The following ELP4 variants were observed in gnomAD, a reference collection of about 807,000 sequenced individuals.
The protein encoded by ELP4 is elongator complex protein 4.
A neutral mutation model predicts 48.9 loss-of-function variants in ELP4; 51 were observed. The ratio of observed to expected loss-of-function variants is 1.04; its 90% CI spans 0.83 to 1.32. The LOEUF (loss-of-function observed/expected upper bound fraction) is 1.32. Among genes scored for constraint, ELP4 ranks in the 40% most tolerant of loss-of-function variants. The probability of loss-of-function intolerance (pLI) is 0.00; values close to 1 mark genes in which losing one functional copy is unlikely to be tolerated. For missense variants in ELP4, 519 were observed against 514.6 expected (o/e 1.01, Z -0.08); for synonymous variants, 210 against 189.2 (o/e 1.11, Z -0.90).
At chr11:31,588,718 C>G (rs1255604125) in intron 3 of ELP4, among the ~76,000 whole-genome samples, 1 of 152,148 alleles carries the variant, frequency 6.6e-6, no homozygotes, top group Non-Finnish European at 1.5e-5. Flanking sequence ...CACAGTGGCT[C>G]ACGCCTATAA....
At chr11:31,709,420 T>G (rs1946696250) in intron 9 of ELP4, among the ~76,000 whole-genome samples, 1 of 152,160 alleles carries the variant, frequency 6.6e-6, no homozygotes. Flanking sequence ...AAGTTTCACG[T>G]ATTCAGTTAC....
At chr11:31,528,994 T>G (rs936090094) in intron 2 of ELP4, among the ~76,000 whole-genome samples, 1 of 151,908 alleles carries the variant, frequency 6.6e-6, no homozygotes, top group Non-Finnish European at 1.5e-5. Context: ...CTTTGGGAGA[T>G]CTCTTAACTC....
chr11:31,737,828 G>A (rs1947352694), intron 9 of ELP4, among the ~76,000 whole-genome samples: 2 of 152,134 alleles, frequency 1.3e-5, no homozygotes, highest in African/African-American at 4.8e-5. Context: ...GGTAACTCTT[G>A]TGCATTATTG....
chr11:31,569,801 G>A (rs1957166397), intron 3 of ELP4, among the ~76,000 whole-genome samples: 1 of 152,102 alleles, frequency 6.6e-6, no homozygotes, highest in Non-Finnish European at 1.5e-5. Flanking sequence ...AGAAATACAA[G>A]TCAGTATCAC....
At chr11:31,699,964 G>A (rs945985502) in intron 9 of ELP4, among the ~76,000 whole-genome samples, 24 of 152,134 alleles carry the variant, frequency 1.6e-4, no homozygotes, top group Admixed American at 5.9e-4. Flanking sequence ...CTGAGAATAT[G>A]GGAGGAGAAT....
At chr11:31,746,496 C>T (rs1947594610) in intron 9 of ELP4, among the ~76,000 whole-genome samples, 1 of 152,154 alleles carries the variant, frequency 6.6e-6, no homozygotes, top group African/African-American at 2.4e-5. Flanking sequence ...CGTAAATGTC[C>T]AACAACAATA....
chr11:31,525,806 A>C (rs544597269), intron 2 of ELP4, among the ~76,000 whole-genome samples: 1 of 152,280 alleles, frequency 6.6e-6, no homozygotes, highest in African/African-American at 2.4e-5. Context: ...TGGCCAGCCA[A>C]ATCTATCATG....
chr11:31,709,494 T>C (rs963902011), intron 9 of ELP4, among the ~76,000 whole-genome samples: 2 of 152,056 alleles, frequency 1.3e-5, no homozygotes, highest in Non-Finnish European at 2.9e-5. Context: ...TGATACCAAG[T>C]CTCGTAAAAT....
intron 1 of ELP4, among the ~76,000 whole-genome samples, chr11:31,515,001 A>G (rs867748750): frequency 1.6e-4 from 21 of 131,980 alleles, no homozygotes; most frequent in East Asian, 4.4e-4. Context: ...TGCTGTATGC[A>G]TGTGTGTGTG....
intron 3 of ELP4, among the ~76,000 whole-genome samples, chr11:31,547,567 A>C (rs955480379): frequency 6.6e-6 from 1 of 152,130 alleles, no homozygotes; most frequent in African/African-American, 2.4e-5. Flanking sequence ...ACAAGGAGGA[A>C]CTGGTACCAT....
At chr11:31,640,474 G>A (rs937848319) in intron 7 of ELP4, among the ~76,000 whole-genome samples, 3 of 151,832 alleles carry the variant, frequency 2.0e-5, no homozygotes, top group African/African-American at 7.2e-5. Flanking sequence ...TAAGTACCAC[G>A]TCAGATATTA....
chr11:31,583,206 T>G (rs1198766635), intron 3 of ELP4, among the ~76,000 whole-genome samples: 4 of 152,220 alleles, frequency 2.6e-5, no homozygotes, highest in Non-Finnish European at 5.9e-5. Flanking sequence ...GTTGCTGGTT[T>G]GTTTTCTAAG....
At chr11:31,753,884 G>T (rs1004345012) in intron 9 of ELP4, among the ~76,000 whole-genome samples, 10 of 152,086 alleles carry the variant, frequency 6.6e-5, no homozygotes, top group Admixed American at 2.0e-4. Context: ...ATTTACTTCA[G>T]TGCTTACCTC....
chr11:31,671,632 C>T (rs921476636), intron 9 of ELP4, among the ~76,000 whole-genome samples: 11 of 152,264 alleles, frequency 7.2e-5, no homozygotes, highest in African/African-American at 2.6e-4. Flanking sequence ...CCTCATCTAG[C>T]CTAGCCTAGC....
intron 3 of ELP4, among the ~76,000 whole-genome samples, chr11:31,555,593 ATT>A (rs1956918696): frequency 6.6e-6 from 1 of 151,812 alleles, no homozygotes; most frequent in Admixed American, 6.6e-5. Flanking sequence ...TAATATATAT[ATT>A]AATGTGGTCC....
At chr11:31,606,584 A>C (rs1044868329) in intron 5 of ELP4, among the ~76,000 whole-genome samples, 13 of 152,194 alleles carry the variant, frequency 8.5e-5, no homozygotes, top group Admixed American at 1.3e-4. Context: ...TTAAATTTTC[A>C]AATTAAAGCC....
intron 2 of ELP4, among the ~76,000 whole-genome samples, chr11:31,520,528 C>T (rs1956195680): frequency 6.6e-6 from 1 of 151,952 alleles, no homozygotes; most frequent in African/African-American, 2.4e-5. Context: ...TTTAGTTCAT[C>T]TTTAAAGTGG....
At chr11:31,708,215 CCTT>C (rs996484863) in intron 9 of ELP4, among the ~76,000 whole-genome samples, 1 of 151,968 alleles carries the variant, frequency 6.6e-6, no homozygotes, top group Non-Finnish European at 1.5e-5. Context: ...TACAGGGAAA[CCTT>C]CTACTTCTCC....
intron 9 of ELP4, among the ~76,000 whole-genome samples, chr11:31,685,047 G>C (rs2134128924): frequency 6.6e-6 from 1 of 152,174 alleles, no homozygotes; most frequent in South Asian, 2.1e-4. Flanking sequence ...AGAAAGAAAG[G>C]GTCCTAATAG....
Sources: allele counts gnomAD v4.1 joint callset (sites outside exome capture counted in the v4.1 genomes callset), GRCh38; gene constraint gnomAD v4.1.1; transcripts MANE v1.5; gene names NCBI Gene and HGNC (gene_info 2026-07-23, HGNC 2026-07-21).